Variants in NELL1 observed in about 807,000 individuals in gnomAD.
NELL1 encodes protein kinase C-binding protein NELL1.
A neutral mutation model predicts 107.4 loss-of-function variants in NELL1; 76 were observed. That is an observed-to-expected ratio of 0.71 (90% CI 0.59 to 0.86). The LOEUF is 0.86. Ranked by LOEUF, NELL1 falls within the 40% of genes least tolerant of loss-of-function variation. The probability of loss-of-function intolerance (pLI) is 0.00; values close to 1 mark genes in which losing one functional copy is unlikely to be tolerated. For synonymous variants in NELL1, 353 were observed against 341.2 expected, an observed-to-expected ratio of 1.03 and a Z score of -0.38; for missense variants, 1,024 against 1,005.5, an observed-to-expected ratio of 1.02 and a Z score of -0.25.
chr11:21,132,763 T>C (rs1855652641), intron 13 of NELL1, among the ~76,000 whole-genome samples: 1 of 147,364 alleles, frequency 6.8e-6, no homozygotes. Context: ...CTTCTTGACA[T>C]GGTGAGCAGT....
At chr11:21,385,049 A>G (rs1851708296) in intron 15 of NELL1, among the ~76,000 whole-genome samples, 2 of 151,978 alleles carry the variant, frequency 1.3e-5, no homozygotes, top group African/African-American at 4.8e-5. Context: ...CCCTCCTATG[A>G]AAAACGTTTC....
intron 14 of NELL1, among the ~76,000 whole-genome samples, chr11:21,278,702 G>C (rs1219294681): frequency 6.6e-6 from 1 of 152,166 alleles, no homozygotes; most frequent in Non-Finnish European, 1.5e-5. Flanking sequence ...TAGGATGTCA[G>C]TTCTACCAAA....
intron 15 of NELL1, among the ~76,000 whole-genome samples, chr11:21,426,271 T>C (rs905229038): frequency 4.6e-5 from 7 of 152,206 alleles, no homozygotes; most frequent in African/African-American, 1.7e-4. Context: ...TAGCATGTGG[T>C]TGGCACATAA....
At chr11:21,423,925 G>T (rs1209162981) in intron 15 of NELL1, among the ~76,000 whole-genome samples, 1 of 152,214 alleles carries the variant, frequency 6.6e-6, no homozygotes, top group Non-Finnish European at 1.5e-5. Flanking sequence ...GCTTAGAGAT[G>T]AATGAAAACA....
At chr11:20,961,886 G>C (rs539452355) in intron 12 of NELL1, among the ~76,000 whole-genome samples, 1 of 151,852 alleles carries the variant, frequency 6.6e-6, no homozygotes, top group Non-Finnish European at 1.5e-5. Flanking sequence ...TTAACTTTTT[G>C]GCTTTGACTA....
chr11:20,971,933 C>A (rs573372352), intron 12 of NELL1, among the ~76,000 whole-genome samples: 1 of 151,734 alleles, frequency 6.6e-6, no homozygotes, highest in Non-Finnish European at 1.5e-5. Context: ...GAACAGAAAA[C>A]CAAACACCGC....
At chr11:21,556,789 A>G (rs564115805) in intron 16 of NELL1, among the ~76,000 whole-genome samples, 115 of 152,160 alleles carry the variant, frequency 7.6e-4, no homozygotes, top group African/African-American at 2.6e-3. Context: ...AAGCATTTAA[A>G]TAATGAATTT....
intron 7 of NELL1, among the ~76,000 whole-genome samples, chr11:20,923,085 C>T (rs1393104129): frequency 6.6e-6 from 1 of 152,090 alleles, no homozygotes; most frequent in Non-Finnish European, 1.5e-5. Context: ...GCTGTCAAGA[C>T]CCTAGTCTAG....
chr11:20,747,216 T>C (rs920558145), intron 2 of NELL1, among the ~76,000 whole-genome samples: 2 of 152,250 alleles, frequency 1.3e-5, no homozygotes. Context: ...TATAAAGATA[T>C]ATCAATGTAT....
At chr11:20,891,206 T>G (rs1314073819) in intron 5 of NELL1, among the ~76,000 whole-genome samples, 1 of 152,186 alleles carries the variant, frequency 6.6e-6, no homozygotes, top group Non-Finnish European at 1.5e-5. Flanking sequence ...GGGGCCAATA[T>G]TCAACATTCT....
chr11:21,505,072 C>T (rs1485436694), intron 15 of NELL1, among the ~76,000 whole-genome samples: 2 of 152,122 alleles, frequency 1.3e-5, no homozygotes, highest in African/African-American at 2.4e-5. Flanking sequence ...ATGTTTACTT[C>T]TTCATTGCTG....
chr11:20,986,171 C>A (rs538405607), intron 12 of NELL1, among the ~76,000 whole-genome samples: 1 of 152,158 alleles, frequency 6.6e-6, no homozygotes, highest in African/African-American at 2.4e-5. Context: ...ACACCCAGCC[C>A]TCTTTACAAG....
intron 13 of NELL1, among the ~76,000 whole-genome samples, chr11:21,146,245 A>T (rs1855975793): frequency 6.7e-6 from 1 of 150,264 alleles, no homozygotes; most frequent in South Asian, 2.2e-4. Flanking sequence ...AAAACATTTT[A>T]TTCCTGAATA....
intron 5 of NELL1, among the ~76,000 whole-genome samples, chr11:20,897,080 A>G (rs1177754244): frequency 6.6e-6 from 1 of 152,178 alleles, no homozygotes; most frequent in African/African-American, 2.4e-5. Flanking sequence ...TTCCTATGGA[A>G]CTAAAAAAGA....
intron 13 of NELL1, among the ~76,000 whole-genome samples, chr11:21,151,456 G>A (rs1856115448): frequency 6.6e-6 from 1 of 152,124 alleles, no homozygotes; most frequent in South Asian, 2.1e-4. Flanking sequence ...GTGTGTGCAT[G>A]CTGCGTGTTG....
chr11:21,337,793 T>TTTCTTTCTTTCC (rs1850454619), intron 14 of NELL1, among the ~76,000 whole-genome samples: 1 of 129,976 alleles, frequency 7.7e-6, no homozygotes, highest in Non-Finnish European at 1.6e-5. Context: ...TCTTTCTTTC[T>TTTCTTTCTTTCC]TTCCTTCTTT....
At chr11:21,544,359 A>G (rs747381625) in intron 16 of NELL1, among the ~76,000 whole-genome samples, 3 of 152,126 alleles carry the variant, frequency 2.0e-5, no homozygotes, top group Non-Finnish European at 2.9e-5. Flanking sequence ...ATCAGCTTAC[A>G]TAAAACAACC....
chr11:20,774,770 T>C (rs766087807), intron 2 of NELL1, among the ~76,000 whole-genome samples: 25 of 152,148 alleles, frequency 1.6e-4, no homozygotes, highest in Non-Finnish European at 3.2e-4. Flanking sequence ...CTCATGTCTT[T>C]ATAAGAACAT....
chr11:21,054,741 G>A (rs1853574616), intron 12 of NELL1, among the ~76,000 whole-genome samples: 3 of 151,906 alleles, frequency 2.0e-5, no homozygotes, highest in African/African-American at 7.2e-5. Flanking sequence ...TCTGTGAATT[G>A]CAAATTGATG....
Sources: allele counts gnomAD v4.1 joint callset (sites outside exome capture counted in the v4.1 genomes callset), GRCh38; gene constraint gnomAD v4.1.1; transcripts MANE v1.5; gene names NCBI Gene and HGNC (gene_info 2026-07-23, HGNC 2026-07-21).